The following SIPA1L1 variants were observed in gnomAD, a reference collection of about 807,000 sequenced individuals.
SIPA1L1 encodes signal induced proliferation associated 1 like 1.
SIPA1L1 carries 26 observed loss-of-function variants against 162.7 expected under a neutral mutation model. The observed-to-expected ratio is 0.16, with a 90% CI of 0.12 to 0.22. The LOEUF (loss-of-function observed/expected upper bound fraction) is 0.22, where lower values mean the gene tolerates loss of function less well. SIPA1L1 is among the 10% of genes least tolerant of loss of function. The pLI is 1.00. For missense variants in SIPA1L1, 1,874 were observed against 2,241.0 expected (o/e 0.84, Z 3.31); for synonymous variants, 829 against 837.4 (o/e 0.99, Z 0.17).
Position 71,575,631 on chromosome 14 carries a change from C to G in SIPA1L1, c.-302-11940C>G, listed in dbSNP as rs369169263. ...AATGCTGTATTAACCACACTGCCTT[C>G]CATTGTCCTGTGAGAATATGTTTAT... On this transcript the variant is annotated intron_variant, in intron 4 of 23. Transcript: ENST00000381232. 4.7e-4 allele frequency among the ~76,000 whole-genome samples: 72 copies of G among 152,270 alleles called. 1 individual carries two copies. Among genetic ancestry groups the G allele is most frequent in the African/African-American group, 1.7e-3 (71 of 41,544 alleles).
intron 8 of SIPA1L1, among the ~76,000 whole-genome samples, chr14:71,652,282 T>A (rs1263988387): frequency 6.6e-6 from 1 of 152,200 alleles, no homozygotes; most frequent in Non-Finnish European, 1.5e-5. Flanking sequence ...AGCCAGCCTC[T>A]GTACACCTCA....
At chr14:71,531,558 T>A (rs1358093454) in intron 4 of SIPA1L1, among the ~76,000 whole-genome samples, 1 of 152,048 alleles carries the variant, frequency 6.6e-6, no homozygotes, top group East Asian at 1.9e-4. Context: ...TTGCTTTTGC[T>A]TTTGTTTTTG....
At chr14:71,612,929 T>C (rs935620076) in intron 5 of SIPA1L1, among the ~76,000 whole-genome samples, 1 of 152,334 alleles carries the variant, frequency 6.6e-6, no homozygotes, top group Non-Finnish European at 1.5e-5. Flanking sequence ...TATTTATTGT[T>C]ACTCTTTGTA....
chr14:71,626,216 C>T (rs988530539), intron 7 of SIPA1L1, among the ~76,000 whole-genome samples: 2 of 152,140 alleles, frequency 1.3e-5, no homozygotes, highest in African/African-American at 4.8e-5. Flanking sequence ...CAGTCAGTCT[C>T]TTCAATTTTA....
chr14:71,569,659 T>G (rs2031547492), intron 4 of SIPA1L1, among the ~76,000 whole-genome samples: 1 of 152,196 alleles, frequency 6.6e-6, no homozygotes, highest in Admixed American at 6.5e-5. Flanking sequence ...GTAGAATCAC[T>G]GGAAAGGCTG....
intron 5 of SIPA1L1, among the ~76,000 whole-genome samples, chr14:71,590,029 AAAAAAAAAAAAAAAAATATATAT>A (rs1397874190): frequency 3.3e-5 from 2 of 61,056 alleles, no homozygotes; most frequent in African/African-American, 6.9e-5. Flanking sequence ...AGTAAAAAAA[AAAAAAAAAAAAAAAAATATATAT>A]ATATATATAT....
At chr14:71,450,350 C>T (rs1242720731) in intron 2 of SIPA1L1, among the ~76,000 whole-genome samples, 1 of 152,150 alleles carries the variant, frequency 6.6e-6, no homozygotes, top group Non-Finnish European at 1.5e-5. Context: ...TTCTCTAAGA[C>T]TCTGTACTCA....
chr14:71,516,061 C>G (rs763666373), intron 3 of SIPA1L1, among the ~76,000 whole-genome samples: 3 of 152,150 alleles, frequency 2.0e-5, no homozygotes, highest in Non-Finnish European at 2.9e-5. Flanking sequence ...GTATAAAGAA[C>G]CCTTTGCTTT....
intron 5 of SIPA1L1, among the ~76,000 whole-genome samples, chr14:71,600,454 G>C (rs888379376): frequency 1.3e-5 from 2 of 152,048 alleles, no homozygotes; most frequent in Non-Finnish European, 1.5e-5. Context: ...ATTGGTCTTT[G>C]TGTCTGTTTT....
chr14:71,587,812 A>G lies in SIPA1L1; in HGVS notation c.-61A>G. 1 of 1,486,200 alleles carries G rather than the reference A, an allele frequency of 6.7e-7. No individual in the cohort carries two copies. 92.1% of individuals were successfully genotyped at this position (1,486,200 alleles called of 1,614,324 possible). On this transcript the variant is annotated 5_prime_UTR_variant, in exon 5 of 24. Transcript: ENST00000381232. ...GCCATTCTCCAAAAGGGAAGTGCAC[A>G]TTTAAAACACAGATATGATGGTCCT...
chr14:71,364,577 G>T (rs1202450202), intron 2 of SIPA1L1, among the ~76,000 whole-genome samples: 1 of 152,102 alleles, frequency 6.6e-6, no homozygotes, highest in Middle Eastern at 3.2e-3. Context: ...ATCACAGTTT[G>T]TGCACTTACC....
At chr14:71,699,857 A>G (rs953595336) in intron 14 of SIPA1L1, among the ~76,000 whole-genome samples, 1 of 152,266 alleles carries the variant, frequency 6.6e-6, no homozygotes, top group Non-Finnish European at 1.5e-5. Context: ...CTCATGAGGC[A>G]GAGTCCTTGA....
intron 2 of SIPA1L1, among the ~76,000 whole-genome samples, chr14:71,503,232 A>C (rs1206738101): frequency 2.6e-5 from 4 of 152,204 alleles, no homozygotes; most frequent in Admixed American, 6.5e-5. Flanking sequence ...ATGTGAAAGT[A>C]AATTACAAAG....
At chr14:71,671,940 T>C (rs1029687962) in intron 11 of SIPA1L1, among the ~76,000 whole-genome samples, 155 of 136,970 alleles carry the variant, frequency 1.1e-3, no homozygotes, top group African/African-American at 3.7e-3. Flanking sequence ...TGTGTGTGTG[T>C]GTGCGTTCAT....
intron 11 of SIPA1L1, 65 bp from the exon 12 acceptor site, chr14:71,672,283 G>T (rs2149379261): frequency 6.5e-7 from 1 of 1,531,202 alleles, no homozygotes; most frequent in South Asian, 1.2e-5. Context: ...TGATTTTCCA[G>T]TTCCATGTCC....
chr14:71,620,443 C>G (rs1400651613), intron 6 of SIPA1L1, among the ~76,000 whole-genome samples: 1 of 152,186 alleles, frequency 6.6e-6, no homozygotes. Context: ...TCTTCTTTTT[C>G]CCTTCCCAAG....
rs757922842 is a variant in SIPA1L1, at chr14:71,671,175, G to C, written c.2312G>C (p.Gly771Ala). ...TCCTTTGGGCCTCCCATTCCTAAAG[G>C]GGTCACTTTCCCTAAGTCAAATGTG... ...VPSFGPPIPK[G>A]VTFPKSNVFR... The change falls in exon 11 of 24, where the codon GGG becomes GCG. Residue 771 changes from glycine to alanine, a missense_variant. Physicochemically the swap from Gly to Ala is moderately conservative, Grantham distance 60. Coordinates refer to ENST00000381232, the MANE Select transcript of SIPA1L1 (RefSeq NM_001386936.1). The C allele has an allele frequency of 1.2e-6, 2 of 1,613,860 alleles. No homozygotes were observed. Among genetic ancestry groups the C allele is most frequent in the Non-Finnish European group, 1.7e-6 (2 of 1,179,904 alleles).
At chr14:71,476,688 T>TATTTATTTA (rs1447518010) in intron 2 of SIPA1L1, among the ~76,000 whole-genome samples, 1 of 141,038 alleles carries the variant, frequency 7.1e-6, no homozygotes, top group Non-Finnish European at 1.6e-5. Context: ...TTTATTTATT[T>TATTTATTTA]ATTTTTTGAG....
intron 2 of SIPA1L1, among the ~76,000 whole-genome samples, chr14:71,476,586 G>A (rs1157442679): frequency 6.6e-6 from 1 of 151,736 alleles, no homozygotes; most frequent in Non-Finnish European, 1.5e-5. Flanking sequence ...TAAATTTGAG[G>A]TATTTTTATG....
Sources: allele counts gnomAD v4.1 joint callset (sites outside exome capture counted in the v4.1 genomes callset), GRCh38; gene constraint gnomAD v4.1.1; transcripts MANE v1.5; gene names NCBI Gene and HGNC (gene_info 2026-07-23, HGNC 2026-07-21).